SLC38A8: variants seen among roughly 807,000 people sequenced by gnomAD.
SLC38A8 encodes amino acid transporter SLC38A8.
In SLC38A8, 65 loss-of-function variants were observed where a neutral mutation model predicts 46.0. The ratio of observed to expected loss-of-function variants is 1.41; its 90% CI spans 1.16 to 1.74. SLC38A8 has a LOEUF of 1.74. Among genes scored for constraint, SLC38A8 ranks in the 40% most tolerant of loss-of-function variants. SLC38A8 has a pLI of 0.00. For synonymous variants in SLC38A8, 447 were observed against 243.7 expected (o/e 1.83, Z -7.77); for missense variants, 998 against 567.9 (o/e 1.76, Z -7.70).
rs185498826 is a variant in SLC38A8, at chr16:84,033,578, G to C, written c.389-109C>G. The C allele has an allele frequency of 1.1e-3, 1,404 of 1,280,708 alleles. 17 individuals carry two copies. The African/African-American group carries it at 0.019, about 17-fold the overall frequency. The allele number at this position is 1,280,708 out of a possible 1,614,324, so 79.3% of individuals were successfully genotyped here. ...GGGGTTGGACATCCACCCTCAGCCAGCCCCAGGAGCCCAGGGATCAGACGA... is the reference window on the plus strand; with the variant it reads ...GGGGTTGGACATCCACCCTCAGCCACCCCCAGGAGCCCAGGGATCAGACGA... On this transcript the variant is annotated intron_variant, in intron 3 of 10. Transcript: ENST00000299709.
intron 10 of SLC38A8, among the ~76,000 whole-genome samples, chr16:84,010,717 C>G (rs1334423152): frequency 1.3e-5 from 2 of 152,158 alleles, no homozygotes; most frequent in African/African-American, 4.8e-5. Flanking sequence ...GCACTCCAGC[C>G]TGGAGGACAG....
intron 4 of SLC38A8, among the ~76,000 whole-genome samples, chr16:84,032,348 C>G (rs2085251244): frequency 6.6e-6 from 1 of 152,178 alleles, no homozygotes. Flanking sequence ...GCCCCCACGC[C>G]TCGCTAATTT....
intron 10 of SLC38A8, among the ~76,000 whole-genome samples, chr16:84,010,479 G>A (rs12596850): frequency 6.6e-6 from 1 of 152,010 alleles, no homozygotes; most frequent in Non-Finnish European, 1.5e-5. Flanking sequence ...GGTGGCACAA[G>A]CCTATAATCC....
At position 84,012,962 on chromosome 16, in the gene SLC38A8, G is replaced by A. The variant is rs200490244; in HGVS notation, c.1214+39C>T. Reference sequence around the variant, plus strand: ...CTGAAACATTCTTACTCTGATCCGGGGCACACCCAGGGTGCCACCTCATCT... The same window carrying A: ...CTGAAACATTCTTACTCTGATCCGGAGCACACCCAGGGTGCCACCTCATCT... On this transcript the variant is annotated intron_variant, in intron 10 of 10. Coordinates refer to ENST00000299709, the MANE Select transcript of SLC38A8 (RefSeq NM_001080442.3). 65 of 1,609,576 alleles carry A rather than the reference G, an allele frequency of 4.0e-5. No homozygotes were observed. The African/African-American group carries it at 6.0e-4, about 15-fold the overall frequency.
At chr16:84,040,707 G>C (rs1020696992) in intron 2 of SLC38A8, among the ~76,000 whole-genome samples, 7 of 152,160 alleles carry the variant, frequency 4.6e-5, no homozygotes, top group African/African-American at 1.4e-4. Context: ...TTTCCAGTGG[G>C]GCTCAGCGCA....
chr16:84,034,955 G>A lies in SLC38A8; in HGVS notation c.389-1486C>T, dbSNP rs112139758. Among the ~76,000 whole-genome samples the A allele has an allele frequency of 3.9e-5, 6 of 152,106 alleles. No homozygotes were observed. In the South Asian group the frequency reaches 6.2e-4, roughly 16 times the overall value. On this transcript the variant is annotated intron_variant, in intron 3 of 10. Coordinates refer to ENST00000299709, the MANE Select transcript of SLC38A8 (RefSeq NM_001080442.3). ...CCAAAGACATGGTCAATTGTACCTCGTGCCATGACTCCCCCAAGCACTCCA... is the reference window on the plus strand; with the variant it reads ...CCAAAGACATGGTCAATTGTACCTCATGCCATGACTCCCCCAAGCACTCCA...
At chr16:84,018,623 G>A (rs1390802793) in intron 7 of SLC38A8, among the ~76,000 whole-genome samples, 1 of 152,114 alleles carries the variant, frequency 6.6e-6, no homozygotes, top group African/African-American at 2.4e-5. Context: ...TGCCTCTTAT[G>A]TGGGCTGTTC....
intron 6 of SLC38A8, among the ~76,000 whole-genome samples, chr16:84,028,674 C>T (rs972704252): frequency 6.6e-6 from 1 of 151,768 alleles, no homozygotes; most frequent in African/African-American, 2.4e-5. Context: ...GAGCCCAGGC[C>T]CGCCACCTCC....
In SLC38A8 at chr16:84,042,676, G is replaced by A. The variant is rs2085381136; in HGVS notation, c.-128C>T. 1 of 154,398 alleles carries A rather than the reference G, an allele frequency of 6.5e-6. No homozygotes were observed. Among genetic ancestry groups the A allele is most frequent in the African/African-American group, 2.4e-5 (1 of 41,470 alleles). 9.6% of individuals were successfully genotyped at this position (154,398 alleles called of 1,614,324 possible). On this transcript the variant is annotated 5_prime_UTR_variant, in exon 1 of 11. Transcript: ENST00000299709. ...GGTGGGAGAAGCAAGATTCGAGCTT[G>A]GCCAGGGGTGAGTGAGTCATTAACT...
chr16:84,028,242 T>C (rs1322244287), intron 6 of SLC38A8, among the ~76,000 whole-genome samples: 2 of 151,866 alleles, frequency 1.3e-5, no homozygotes, highest in Non-Finnish European at 2.9e-5. Flanking sequence ...TGGTAGGCAG[T>C]GGATAGGTGG....
rs1368989911 is a variant in SLC38A8, at chr16:84,022,748, T to C, written c.805+27A>G. ...GTTTCTACTGTCACTCCCCACCCTC[T>C]GCAGGGGTGCCTGGGAAGGGCCTTA... On this transcript the variant is annotated intron_variant, in intron 7 of 10. Transcript: ENST00000299709. The C allele has an allele frequency of 5.7e-6, 9 of 1,587,106 alleles. 1 individual carries two copies. Among genetic ancestry groups the C allele is most frequent in the Non-Finnish European group, 6.9e-6 (8 of 1,155,992 alleles).
At chr16:84,018,884 C>G (rs1432285253) in intron 7 of SLC38A8, among the ~76,000 whole-genome samples, 1 of 152,152 alleles carries the variant, frequency 6.6e-6, no homozygotes, top group Non-Finnish European at 1.5e-5. Context: ...GGGTATAAAA[C>G]TAGCAGAAGC....
At chr16:84,023,910 G>A (rs368268357) in intron 6 of SLC38A8, among the ~76,000 whole-genome samples, 13 of 152,254 alleles carry the variant, frequency 8.5e-5, no homozygotes, top group South Asian at 4.1e-4. Context: ...AAAACAAGCC[G>A]GGCAGCAGAG....
intron 7 of SLC38A8, among the ~76,000 whole-genome samples, chr16:84,017,834 C>G (rs1022212005): frequency 2.0e-5 from 3 of 152,150 alleles, no homozygotes; most frequent in Non-Finnish European, 4.4e-5. Flanking sequence ...CTCTAAGAGC[C>G]ATGTTCCTTT....
intron 6 of SLC38A8, among the ~76,000 whole-genome samples, chr16:84,028,559 A>G (rs1331724000): frequency 1.5e-5 from 2 of 135,506 alleles, no homozygotes; most frequent in Non-Finnish European, 3.3e-5. Flanking sequence ...TGAGACTCCA[A>G]CTCAAAAAAA....
chr16:84,017,755 C>T (rs1234089062), intron 7 of SLC38A8, among the ~76,000 whole-genome samples: 1 of 152,168 alleles, frequency 6.6e-6, no homozygotes, highest in Admixed American at 6.5e-5. Context: ...GAGCGCCATT[C>T]CCTTTGCGCC....
At position 84,019,962 on chromosome 16, in the gene SLC38A8, G is replaced by T. The variant is rs147822870; in HGVS notation, c.806-2675C>A. On this transcript the variant is annotated intron_variant, in intron 7 of 10. Coordinates refer to ENST00000299709, the MANE Select transcript of SLC38A8 (RefSeq NM_001080442.3). ...TACGGCTTTGCCGGGTACAGCCCAC[G>T]TGTCTGTTCACAGGGGTTGGCACCT... 1.6e-4 allele frequency among the ~76,000 whole-genome samples: 24 copies of T among 152,334 alleles called. No homozygotes were observed. The East Asian group carries it at 4.0e-3, about 26-fold the overall frequency.
intron 10 of SLC38A8, among the ~76,000 whole-genome samples, chr16:84,011,156 G>A (rs1390594502): frequency 3.3e-5 from 5 of 152,236 alleles, no homozygotes; most frequent in Non-Finnish European, 5.9e-5. Flanking sequence ...ATCTGTGCGG[G>A]GACTGTGAGG....
intron 6 of SLC38A8, among the ~76,000 whole-genome samples, chr16:84,025,255 C>G (rs779034584): frequency 2.0e-5 from 3 of 152,190 alleles, no homozygotes; most frequent in Non-Finnish European, 4.4e-5. Context: ...TGGCCAAAAC[C>G]AAACGTGCCA....
Sources: allele counts gnomAD v4.1 joint callset (sites outside exome capture counted in the v4.1 genomes callset), GRCh38; gene constraint gnomAD v4.1.1; transcripts MANE v1.5; gene names NCBI Gene and HGNC (gene_info 2026-07-23, HGNC 2026-07-21).